NAV3: variants seen among roughly 807,000 people sequenced by gnomAD.
NAV3 encodes pore membrane and/or filament interacting like protein 1.
NAV3 carries 87 observed loss-of-function variants against 244.7 expected under a neutral mutation model. The observed-to-expected ratio is 0.36, with a 90% CI of 0.30 to 0.42. The LOEUF (loss-of-function observed/expected upper bound fraction) is 0.42. NAV3 is among the 20% of genes least tolerant of loss of function. NAV3 has a pLI of 1.00. For synonymous variants in NAV3, 1,126 were observed against 1,042.2 expected (o/e 1.08, Z -1.55); for missense variants, 2,663 against 2,893.3 (o/e 0.92, Z 1.83).
chr12:77,728,252 C>A (rs1876968187), intron 2 of NAV3, among the ~76,000 whole-genome samples: 1 of 151,938 alleles, frequency 6.6e-6, no homozygotes, highest in Non-Finnish European at 1.5e-5. Context: ...CTAAGCTTGT[C>A]TGAGTTGGTT....
intron 9 of NAV3, among the ~76,000 whole-genome samples, chr12:78,040,281 C>T (rs978309345): frequency 2.6e-5 from 4 of 151,798 alleles, no homozygotes; most frequent in East Asian, 1.9e-4. Context: ...GCTCAATAAG[C>T]GTTGGAAAGA....
chr12:77,924,027 T>G (rs751343757), intron 1 of NAV3, among the ~76,000 whole-genome samples: 2 of 152,134 alleles, frequency 1.3e-5, no homozygotes, highest in Non-Finnish European at 2.9e-5. Context: ...AAGGAGAATC[T>G]CTGTAATTTA....
At chr12:77,963,118 A>G (rs17044613) in intron 3 of NAV3, among the ~76,000 whole-genome samples, 1,729 of 152,246 alleles carry the variant, frequency 0.011, 20 homozygotes, top group South Asian at 0.042. Context: ...TCTGTTTGTA[A>G]GTTACCAAAA....
At chr12:78,032,347 T>C (rs1879143386) in intron 9 of NAV3, among the ~76,000 whole-genome samples, 1 of 152,188 alleles carries the variant, frequency 6.6e-6, no homozygotes, top group Admixed American at 6.5e-5. Context: ...AAAAACATTG[T>C]CTTTGCCATT....
At chr12:78,014,380 G>A (rs2136697107) in intron 8 of NAV3, among the ~76,000 whole-genome samples, 1 of 152,178 alleles carries the variant, frequency 6.6e-6, no homozygotes, top group Non-Finnish European at 1.5e-5. Context: ...ATAAGGCAAG[G>A]CACTATTCAT....
At chr12:77,952,252 A>T (rs1890971883) in intron 3 of NAV3, among the ~76,000 whole-genome samples, 1 of 152,050 alleles carries the variant, frequency 6.6e-6, no homozygotes, top group Non-Finnish European at 1.5e-5. Flanking sequence ...CTTATCAATT[A>T]TTTATTTTAT....
At chr12:77,745,393 T>C (rs1178036939) in intron 2 of NAV3, among the ~76,000 whole-genome samples, 3 of 152,002 alleles carry the variant, frequency 2.0e-5, no homozygotes, top group African/African-American at 4.8e-5. Context: ...CAAAGACCAA[T>C]TGATAGGACA....
At chr12:77,680,761 G>C (rs1874415179) in intron 2 of NAV3, among the ~76,000 whole-genome samples, 1 of 151,632 alleles carries the variant, frequency 6.6e-6, no homozygotes, top group Non-Finnish European at 1.5e-5. Context: ...ATACACACGA[G>C]AATGGAAAGT....
intron 2 of NAV3, among the ~76,000 whole-genome samples, chr12:77,677,168 C>A (rs1398892447): frequency 6.6e-6 from 1 of 152,140 alleles, no homozygotes; most frequent in African/African-American, 2.4e-5. Flanking sequence ...CAGTTTGAGG[C>A]TAAGAAGTAA....
In NAV3 at chr12:78,148,919, T is replaced by C. The variant is rs366527; in HGVS notation, c.4785T>C (p.Asn1595=). 0.33 allele frequency: 524,575 copies of C among 1,607,040 alleles called. 89,448 individuals carry two copies. Among genetic ancestry groups the C allele is most frequent in the Admixed American group, 0.54 (32,331 of 59,608 alleles). The change falls in exon 22 of 40, where the codon AAT becomes AAC. Residue 1595 remains asparagine, a splice_region_variant and synonymous_variant. Coordinates refer to ENST00000397909, the MANE Select transcript of NAV3 (RefSeq NM_001024383.2). ...CCCTCACATCTCAGCTTTCAGCAAATGTAAGTCACTTCATTTTTAAAATAT... is the reference window on the plus strand; with the variant it reads ...CCCTCACATCTCAGCTTTCAGCAAACGTAAGTCACTTCATTTTTAAAATAT... The part of the protein sequence containing the change: ...VATLTSQLSA[N]AHLVAAFEKS...
At chr12:77,729,713 G>C (rs1877039078) in intron 2 of NAV3, among the ~76,000 whole-genome samples, 1 of 151,922 alleles carries the variant, frequency 6.6e-6, no homozygotes. Flanking sequence ...TCATCTTTCA[G>C]ATTTCCTCCA....
At chr12:78,102,739 C>T (rs1185155485) in intron 12 of NAV3, among the ~76,000 whole-genome samples, 1 of 152,184 alleles carries the variant, frequency 6.6e-6, no homozygotes, top group African/African-American at 2.4e-5. Flanking sequence ...AATTTCTGTG[C>T]ACCTGCAGGC....
chr12:78,125,941 G>T (rs901222769), intron 16 of NAV3, among the ~76,000 whole-genome samples: 1 of 151,986 alleles, frequency 6.6e-6, no homozygotes, highest in African/African-American at 2.4e-5. Flanking sequence ...TTGTACACAT[G>T]GAAATAAATA....
At chr12:77,820,562 G>A (rs1387965061) in intron 2 of NAV3, among the ~76,000 whole-genome samples, 3 of 152,172 alleles carry the variant, frequency 2.0e-5, no homozygotes, top group Admixed American at 6.5e-5. Context: ...CATGAAATTT[G>A]AAGGTGACAA....
intron 2 of NAV3, among the ~76,000 whole-genome samples, chr12:77,583,893 C>G (rs1344078085): frequency 6.6e-6 from 1 of 152,158 alleles, no homozygotes; most frequent in Non-Finnish European, 1.5e-5. Context: ...ATATTGACAA[C>G]CCATCTCTAA....
intron 3 of NAV3, among the ~76,000 whole-genome samples, chr12:77,957,383 G>A (rs1490780125): frequency 6.6e-6 from 1 of 152,150 alleles, no homozygotes; most frequent in African/African-American, 2.4e-5. Context: ...CAAACTATAA[G>A]GAGGTTATTA....
chr12:77,917,620 C>A (rs1447032107), intron 1 of NAV3, among the ~76,000 whole-genome samples: 1 of 152,070 alleles, frequency 6.6e-6, no homozygotes, highest in East Asian at 1.9e-4. Flanking sequence ...CATTCACCGA[C>A]CTTCTCTTGA....
At chr12:77,883,578 GTATC>G (rs1882927716) in intron 1 of NAV3, among the ~76,000 whole-genome samples, 1 of 152,170 alleles carries the variant, frequency 6.6e-6, no homozygotes, top group Non-Finnish European at 1.5e-5. Context: ...TGTACTCTCT[GTATC>G]TAAAATAAAA....
chr12:77,982,043 G>T (rs1461810710), intron 5 of NAV3, among the ~76,000 whole-genome samples: 4 of 152,086 alleles, frequency 2.6e-5, no homozygotes, highest in Non-Finnish European at 5.9e-5. Context: ...TATAAAAACT[G>T]ATGTAATGTC....
Sources: gnomAD v4.1 joint callset for allele counts (sites outside exome capture counted in the v4.1 genomes callset) on GRCh38, gnomAD v4.1.1 for gene constraint, MANE v1.5 for transcripts, NCBI Gene and HGNC (gene_info 2026-07-23, HGNC 2026-07-21) for gene names.